CSMD1: variants seen among roughly 807,000 people sequenced by gnomAD.
The protein encoded by CSMD1 is CUB and Sushi multiple domains 1.
In CSMD1, 213 loss-of-function variants were observed where a neutral mutation model predicts 417.5. That is an observed-to-expected ratio of 0.51 (90% CI 0.46 to 0.57). CSMD1 has a LOEUF of 0.57. CSMD1 is among the 20% of genes least tolerant of loss of function. The pLI is 0.00. For synonymous variants in CSMD1, 2,862 were observed against 1,736.8 expected, an observed-to-expected ratio of 1.65 and a Z score of -16.11; for missense variants, 6,923 against 4,529.7, an observed-to-expected ratio of 1.53 and a Z score of -15.17.
chr8:4,643,218 A>G (rs549895253), intron 1 of CSMD1, among the ~76,000 whole-genome samples: 1 of 152,382 alleles, frequency 6.6e-6, no homozygotes, highest in African/African-American at 2.4e-5. Context: ...TTTCTAAAAC[A>G]ACATCATTGG....
chr8:4,230,399 G>A (rs377267622), intron 3 of CSMD1, among the ~76,000 whole-genome samples: 3 of 152,190 alleles, frequency 2.0e-5, no homozygotes, highest in East Asian at 3.9e-4. Flanking sequence ...ATAAATAAAT[G>A]ATCTTGTATA....
chr8:3,797,180 T>G (rs1306525658), intron 5 of CSMD1, among the ~76,000 whole-genome samples: 2 of 151,940 alleles, frequency 1.3e-5, no homozygotes, highest in African/African-American at 4.8e-5. Context: ...TCTATTCAAC[T>G]TGAAATGTCA....
At chr8:4,871,031 G>T (rs1802708198) in intron 1 of CSMD1, among the ~76,000 whole-genome samples, 1 of 152,138 alleles carries the variant, frequency 6.6e-6, no homozygotes, top group Non-Finnish European at 1.5e-5. Flanking sequence ...TCACCCTGGG[G>T]AGCTGGGAGA....
chr8:4,393,644 G>T (rs372946806), intron 3 of CSMD1, among the ~76,000 whole-genome samples: 5 of 152,116 alleles, frequency 3.3e-5, no homozygotes, highest in African/African-American at 1.2e-4. Flanking sequence ...TTGAAAAGAC[G>T]TGAGCACTAG....
chr8:4,653,504 G>C (rs956683873), intron 1 of CSMD1, among the ~76,000 whole-genome samples: 3 of 152,030 alleles, frequency 2.0e-5, no homozygotes, highest in Non-Finnish European at 2.9e-5. Context: ...ACAGACACCA[G>C]ACTTTCTAAA....
chr8:4,283,862 G>A (rs912716548), intron 3 of CSMD1, among the ~76,000 whole-genome samples: 14 of 152,262 alleles, frequency 9.2e-5, no homozygotes, highest in African/African-American at 3.4e-4. Context: ...TTCATGTGCT[G>A]ACCTCCAGGT....
chr8:4,789,903 T>C (rs567621110), intron 1 of CSMD1, among the ~76,000 whole-genome samples: 91 of 152,316 alleles, frequency 6.0e-4, no homozygotes, highest in African/African-American at 2.1e-3. Flanking sequence ...TAGAATTTAG[T>C]AGTAGCCATC....
At chr8:4,198,652 A>G (rs562568929) in intron 3 of CSMD1, among the ~76,000 whole-genome samples, 1 of 152,298 alleles carries the variant, frequency 6.6e-6, no homozygotes, top group East Asian at 1.9e-4. Flanking sequence ...TTATCAACAT[A>G]GCTTGCCTTT....
intron 3 of CSMD1, among the ~76,000 whole-genome samples, chr8:4,127,598 C>T (rs941678610): frequency 1.3e-5 from 2 of 152,054 alleles, no homozygotes; most frequent in African/African-American, 4.8e-5. Flanking sequence ...TCTACTTTCC[C>T]ACACCACATA....
At chr8:3,825,979 C>G (rs1339696882) in intron 5 of CSMD1, among the ~76,000 whole-genome samples, 1 of 152,186 alleles carries the variant, frequency 6.6e-6, no homozygotes, top group African/African-American at 2.4e-5. Flanking sequence ...TGGCTTTCAG[C>G]AGGATCGTAT....
chr8:4,070,458 C>T (rs546962254), intron 3 of CSMD1, among the ~76,000 whole-genome samples: 1 of 152,210 alleles, frequency 6.6e-6, no homozygotes, highest in Admixed American at 6.5e-5. Flanking sequence ...CCCGGGTTCA[C>T]ACCATTCTCC....
rs779855887 is a variant in CSMD1, at chr8:4,841,911, C to CAAACAAAACAAAAAAAAAAAA, written c.85+152420_85+152421insTTTTTTTTTTTTGTTTTGTTT. On this transcript the variant is annotated intron_variant, in intron 1 of 69. Transcript: ENST00000635120. ...GGGCAACAAGAGCAAAACTCCGTCT[C>CAAACAAAACAAAAAAAAAAAA]AAAAAAAAAAAAAAAAAAAAAAAAA... Among the ~76,000 whole-genome samples, 79 of 34,790 alleles carry CAAACAAAACAAAAAAAAAAAA rather than the reference C, an allele frequency of 2.3e-3. 2 individuals are homozygous for CAAACAAAACAAAAAAAAAAAA. Among genetic ancestry groups the CAAACAAAACAAAAAAAAAAAA allele is most frequent in the African/African-American group, 5.9e-3 (34 of 5,718 alleles). The allele number at this position is 34,790 out of a possible 152,430, so 22.8% of individuals were successfully genotyped here.
intron 1 of CSMD1, among the ~76,000 whole-genome samples, chr8:4,759,875 G>C (rs112114467): frequency 6.6e-6 from 1 of 152,132 alleles, no homozygotes; most frequent in African/African-American, 2.4e-5. Flanking sequence ...ATGAATATAG[G>C]CATGCATGTG....
chr8:4,075,923 T>C (rs941607215), intron 3 of CSMD1, among the ~76,000 whole-genome samples: 3 of 152,188 alleles, frequency 2.0e-5, no homozygotes, highest in Non-Finnish European at 2.9e-5. Context: ...TGGTACTTTA[T>C]ATATACTAAG....
Position 3,510,859 on chromosome 8 carries a change from T to C in CSMD1, c.1345-17133A>G, listed in dbSNP as rs528169939. 5.3e-5 allele frequency among the ~76,000 whole-genome samples: 8 copies of C among 151,944 alleles called. No homozygotes were observed. The East Asian group carries it at 1.5e-3, about 29-fold the overall frequency. On this transcript the variant is annotated intron_variant, in intron 10 of 69. Transcript: ENST00000635120. ...TCCCCCACTTTTTGATGGGGTTGTT[T>C]TTTCCTTGTAAATTTGTTTAAGTTC...
At chr8:4,002,782 G>C (rs1207831156) in intron 4 of CSMD1, among the ~76,000 whole-genome samples, 2 of 152,086 alleles carry the variant, frequency 1.3e-5, no homozygotes, top group Non-Finnish European at 2.9e-5. Flanking sequence ...TGGAAGAACT[G>C]AATAGAAAGT....
chr8:3,018,850 C>A (rs1331322287), intron 51 of CSMD1, among the ~76,000 whole-genome samples, 200 bp from the exon 52 acceptor site: 1 of 152,134 alleles, frequency 6.6e-6, no homozygotes, highest in Non-Finnish European at 1.5e-5. Flanking sequence ...TCTTTATGCT[C>A]CTGAAACAAA....
intron 7 of CSMD1, among the ~76,000 whole-genome samples, chr8:3,638,170 A>C (rs9792284): frequency 0.47 from 71,760 of 151,886 alleles, 17,087 homozygotes; most frequent in Middle Eastern, 0.64. Flanking sequence ...GTTTCCTTCC[A>C]ATATTTTACT....
chr8:4,624,601 C>T (rs1801989386), intron 2 of CSMD1, among the ~76,000 whole-genome samples: 1 of 152,246 alleles, frequency 6.6e-6, no homozygotes, highest in East Asian at 1.9e-4. Context: ...GGAAGATCCA[C>T]GACATTGGAC....
Sources: allele counts gnomAD v4.1 joint callset (sites outside exome capture counted in the v4.1 genomes callset), GRCh38; gene constraint gnomAD v4.1.1; transcripts MANE v1.5; gene names NCBI Gene and HGNC (gene_info 2026-07-23, HGNC 2026-07-21).